The following PBRM1 variants were observed in gnomAD, a reference collection of about 807,000 sequenced individuals.
The protein encoded by PBRM1 is protein polybromo-1.
PBRM1 carries 27 observed loss-of-function variants against 194.5 expected under a neutral mutation model. The observed-to-expected ratio is 0.14, with a 90% CI of 0.10 to 0.19. The LOEUF (loss-of-function observed/expected upper bound fraction) is 0.19, where lower values mean the gene tolerates loss of function less well. Ranked by LOEUF, PBRM1 falls within the 10% of genes least tolerant of loss-of-function variation. The pLI, the probability that PBRM1 is intolerant of heterozygous loss-of-function variation, is 1.00. For missense variants in PBRM1, 1,466 were observed against 2,077.2 expected (o/e 0.71, Z 5.72); for synonymous variants, 655 against 693.2 (o/e 0.94, Z 0.87).
intron 15 of PBRM1, among the ~76,000 whole-genome samples, chr3:52,614,512 A>C (rs1471540095): frequency 6.6e-6 from 1 of 151,304 alleles, no homozygotes; most frequent in Non-Finnish European, 1.5e-5. Context: ...GAAGACAGAA[A>C]TCTCTTATCT....
At position 52,601,187 on chromosome 3, in the gene PBRM1, G is replaced by A. The variant is rs1421542699; in HGVS notation, c.2779+2334C>T. On this transcript the variant is annotated intron_variant, in intron 17 of 29. Coordinates refer to ENST00000296302, the Ensembl canonical transcript of PBRM1. ...GTTTTGAATCTGGGTTTGTACAGTA[G>A]TGTAATCTCTGTATGATTCCTTCTA... is the stretch of plus-strand genomic sequence containing the variant. 2.6e-5 allele frequency among the ~76,000 whole-genome samples: 4 copies of A among 152,214 alleles called. No homozygotes were observed. In the East Asian group the frequency reaches 7.7e-4, roughly 29 times the overall value.
At chr3:52,599,487 T>C (rs921700657) in intron 17 of PBRM1, among the ~76,000 whole-genome samples, 1 of 151,904 alleles carries the variant, frequency 6.6e-6, no homozygotes, top group Non-Finnish European at 1.5e-5. Context: ...AACTATAAAC[T>C]TCAGGGAAAT....
chr3:52,568,504 T>C (rs1469973431), intron 22 of PBRM1, among the ~76,000 whole-genome samples: 2 of 152,234 alleles, frequency 1.3e-5, no homozygotes, highest in Admixed American at 6.5e-5. Flanking sequence ...CAGTATTTTA[T>C]TGTATGAGTT....
chr3:52,600,601 T>C (rs2093922535), intron 17 of PBRM1, among the ~76,000 whole-genome samples: 1 of 152,218 alleles, frequency 6.6e-6, no homozygotes, highest in Non-Finnish European at 1.5e-5. Context: ...TTTCTAAGAA[T>C]TATCTTGTAT....
In PBRM1 at chr3:52,596,436, C is replaced by CA. The variant is rs763007814; in HGVS notation, c.2779+7084dup. Reference sequence around the variant, plus strand: ...CTGGCGACAGAGTGAGACTCCGTCTCAAAAAAAAAAAAAAAAAAAAAAAAA... The same window carrying CA: ...CTGGCGACAGAGTGAGACTCCGTCTCAAAAAAAAAAAAAAAAAAAAAAAAAA... On this transcript the variant is annotated intron_variant, in intron 17 of 29. Transcript: ENST00000296302. 2.1e-3 allele frequency among the ~76,000 whole-genome samples: 104 copies of CA among 50,366 alleles called. 14 individuals are homozygous for CA. The highest frequency in any genetic ancestry group is 2.7e-3 in the Non-Finnish European group (80 of 29,564). 33.0% of individuals were successfully genotyped at this position (50,366 alleles called of 152,430 possible). A position where few individuals can be genotyped will look rare whatever the true frequency, so the allele number is the denominator to read the frequency against.
intron 22 of PBRM1, among the ~76,000 whole-genome samples, chr3:52,571,403 G>A (rs1191956948): frequency 1.3e-5 from 2 of 151,372 alleles, no homozygotes; most frequent in African/African-American, 4.9e-5. Flanking sequence ...TGAGGAAGGT[G>A]GATCACGAGG....
At chr3:52,681,617 CA>C (rs374520301), upstream of PBRM1, 12 of 558,376 alleles carry the variant, frequency 2.1e-5, no homozygotes, top group African/African-American at 2.2e-4. Context: ...GAAAGGATAA[CA>C]AAAATTTAAG....
At position 52,618,869 on chromosome 3, in the gene PBRM1, A is replaced by G. The variant is rs189901432; in HGVS notation, c.1542-1331T>C. On this transcript the variant is annotated intron_variant, in intron 13 of 29. Transcript: ENST00000296302. The stretch of plus-strand genomic sequence containing the variant: ...TGGGTTCAAGCAATTCTCTTGCCTC[A>G]GCCTCCCGAGTAGCTAGGATTACAG... Among the ~76,000 whole-genome samples the G allele has an allele frequency of 4.0e-3, 614 of 152,196 alleles. 1 individual carries two copies. The highest frequency in any genetic ancestry group is 6.6e-3 in the Non-Finnish European group (449 of 68,008).
exon 18 of PBRM1, chr3:52,589,168 C>T (rs1211663291): frequency 1.2e-6 from 2 of 1,611,620 alleles, no homozygotes; most frequent in Non-Finnish European, 1.7e-6. Flanking sequence ...ATGGTACATG[C>T]TGTTTTTAAA....
At chr3:52,550,009 A>G (rs1406078568) in intron 29 of PBRM1, among the ~76,000 whole-genome samples, 8 of 151,820 alleles carry the variant, frequency 5.3e-5, no homozygotes, top group African/African-American at 1.9e-4. Flanking sequence ...CTTGAGGTCA[A>G]GAGTTTGAGA....
intron 25 of PBRM1, among the ~76,000 whole-genome samples, 198 bp from the exon 28 acceptor site, chr3:52,558,611 C>A (rs755018438): frequency 4.6e-5 from 7 of 152,218 alleles, no homozygotes; most frequent in Admixed American, 1.3e-4. Context: ...CCTATCCCAT[C>A]TTGAGAACTG....
At chr3:52,551,727 CTT>C (rs1423126473) in intron 27 of PBRM1, 1 of 152,196 alleles carries the variant, frequency 6.6e-6, no homozygotes, top group African/African-American at 2.4e-5. Context: ...TTCTTGAAAA[CTT>C]AAACAAATCC....
chr3:52,636,255 T>C (rs2095806701), intron 10 of PBRM1, among the ~76,000 whole-genome samples: 1 of 152,148 alleles, frequency 6.6e-6, no homozygotes, highest in African/African-American at 2.4e-5. Context: ...CCCAGGACTA[T>C]TCCCTTGCTG....
At chr3:52,622,134 G>A (rs953165293) in intron 13 of PBRM1, among the ~76,000 whole-genome samples, 1 of 152,152 alleles carries the variant, frequency 6.6e-6, no homozygotes, top group African/African-American at 2.4e-5. Flanking sequence ...AAGGTCAGGA[G>A]TTCGAGACCA....
Position 52,609,601 on chromosome 3 carries a change from C to T in PBRM1, c.2279G>A (p.Arg760His), listed in dbSNP as rs199976998. 2.9e-4 allele frequency: 467 copies of T among 1,612,654 alleles called. No individual in the cohort carries two copies. The highest frequency in any genetic ancestry group is 3.8e-4 in the Non-Finnish European group (446 of 1,179,368). Reference sequence around the variant, plus strand: ...GTCCTCATCTCCCTCCAGGTCTCTGCGTGTTTCAAGCAGGACTTTGTGTAG... The same window carrying T: ...GTCCTCATCTCCCTCCAGGTCTCTGTGTGTTTCAAGCAGGACTTTGTGTAG... The change falls in exon 16 of 30, where the codon CGC (arginine) becomes CAC (histidine). Residue 760 changes from arginine to histidine, a missense_variant. Around this residue, in one of 5 missense-constraint regions of PBRM1, gnomAD observed 687 missense variants for 946.2 expected, o/e 0.73. Transcript: ENST00000296302. The surrounding 1 kb of genome is among the most constrained non-coding windows in gnomAD (Gnocchi z 4.1).
chr3:52,578,000 T>C (rs2090128579), intron 21 of PBRM1, among the ~76,000 whole-genome samples: 1 of 152,190 alleles, frequency 6.6e-6, no homozygotes, highest in Non-Finnish European at 1.5e-5. Context: ...AACTCATTAA[T>C]GGCTCACTCT....
intron 2 of PBRM1, among the ~76,000 whole-genome samples, chr3:52,674,639 A>AT (rs1553892017): frequency 7.7e-5 from 10 of 129,042 alleles, no homozygotes; most frequent in Non-Finnish European, 1.3e-4. Flanking sequence ...AAAAAAAAAA[A>AT]AAAAATATAT....
At chr3:52,645,707 C>T (rs183495310) in intron 7 of PBRM1, among the ~76,000 whole-genome samples, 16 of 152,124 alleles carry the variant, frequency 1.1e-4, no homozygotes, top group Admixed American at 2.6e-4. Context: ...CAGTGACTAA[C>T]GGCAGGTGGT....
chr3:52,561,919 C>T (rs2153493772), exon 25 of PBRM1: 1 of 1,614,122 alleles, frequency 6.2e-7, no homozygotes, highest in Non-Finnish European at 8.5e-7. Flanking sequence ...GTTGATTTTC[C>T]GTTTGGAGCC....
Sources: gnomAD v4.1 joint callset for allele counts (sites outside exome capture counted in the v4.1 genomes callset) on GRCh38, gnomAD v4.1.1 for gene constraint, gnomAD v4.1.1 regional missense constraint, Gnocchi (gnomAD v3.1) non-coding constraint, MANE v1.5 for transcripts, NCBI Gene and HGNC (gene_info 2026-07-23, HGNC 2026-07-21) for gene names.